SGCZ: variants seen among roughly 807,000 people sequenced by gnomAD.
The protein encoded by SGCZ is sarcoglycan zeta.
SGCZ carries 40 observed loss-of-function variants against 41.3 expected under a neutral mutation model. That is an observed-to-expected ratio of 0.97 (90% CI 0.75 to 1.26). The LOEUF is 1.26. Among genes scored for constraint, SGCZ ranks in the 50% most tolerant of loss-of-function variants. The probability of loss-of-function intolerance (pLI) is 0.00; values close to 1 mark genes in which losing one functional copy is unlikely to be tolerated. For synonymous variants in SGCZ, 206 were observed against 137.5 expected, an observed-to-expected ratio of 1.50 and a Z score of -3.49; for missense variants, 552 against 369.8, an observed-to-expected ratio of 1.49 and a Z score of -4.04.
chr8:14,908,515 C>T (rs769313158), intron 1 of SGCZ, among the ~76,000 whole-genome samples: 2 of 152,008 alleles, frequency 1.3e-5, no homozygotes, highest in African/African-American at 4.8e-5. Flanking sequence ...AGTTTGGGAG[C>T]CCCAGGTGGG....
At chr8:15,109,583 G>A (rs1023293325) in intron 1 of SGCZ, among the ~76,000 whole-genome samples, 3 of 152,060 alleles carry the variant, frequency 2.0e-5, no homozygotes, top group Non-Finnish European at 4.4e-5. Flanking sequence ...AGTTCTACTA[G>A]ATAATCAAAT....
At chr8:14,471,023 CTTTCA>C (rs1457695537) in intron 2 of SGCZ, among the ~76,000 whole-genome samples, 1 of 152,136 alleles carries the variant, frequency 6.6e-6, no homozygotes, top group Non-Finnish European at 1.5e-5. Flanking sequence ...AGAAAACCTG[CTTTCA>C]TTTATTTGAA....
At chr8:14,842,988 G>A (rs762491492) in intron 1 of SGCZ, among the ~76,000 whole-genome samples, 10 of 152,180 alleles carry the variant, frequency 6.6e-5, no homozygotes, top group Non-Finnish European at 1.0e-4. Context: ...CAAGGCGAGC[G>A]GATCTCCTGA....
chr8:14,318,313 A>G (rs963560364), intron 3 of SGCZ, among the ~76,000 whole-genome samples: 2 of 151,952 alleles, frequency 1.3e-5, no homozygotes, highest in Non-Finnish European at 2.9e-5. Flanking sequence ...AAACTCCAGA[A>G]AAGTTTTTAC....
At chr8:14,856,337 T>G (rs1585322314) in intron 1 of SGCZ, among the ~76,000 whole-genome samples, 1 of 152,272 alleles carries the variant, frequency 6.6e-6, no homozygotes, top group East Asian at 1.9e-4. Flanking sequence ...CCCTTGCTCT[T>G]TTTCATCAAC....
At chr8:14,563,389 C>G (rs1258139669) in intron 1 of SGCZ, among the ~76,000 whole-genome samples, 1 of 152,070 alleles carries the variant, frequency 6.6e-6, no homozygotes, top group Non-Finnish European at 1.5e-5. Flanking sequence ...ATAAATGACT[C>G]CTGTTAATAG....
chr8:14,254,389 C>G (rs1381811751), intron 3 of SGCZ, among the ~76,000 whole-genome samples: 1 of 152,118 alleles, frequency 6.6e-6, no homozygotes, highest in Non-Finnish European at 1.5e-5. Flanking sequence ...CAAATGGTGC[C>G]CTGCACTGCT....
At chr8:14,277,986 C>T (rs934450149) in intron 3 of SGCZ, among the ~76,000 whole-genome samples, 4 of 152,130 alleles carry the variant, frequency 2.6e-5, no homozygotes, top group African/African-American at 9.7e-5. Flanking sequence ...ATCTACTCTT[C>T]TGAGGGCAGC....
At chr8:14,235,566 T>G (rs1039018045) in intron 4 of SGCZ, among the ~76,000 whole-genome samples, 8 of 152,234 alleles carry the variant, frequency 5.3e-5, no homozygotes, top group African/African-American at 1.9e-4. Flanking sequence ...CAGGAAAGCA[T>G]GCAGTGAAAT....
intron 2 of SGCZ, among the ~76,000 whole-genome samples, chr8:14,434,446 G>C (rs67934334): frequency 6.6e-6 from 1 of 151,958 alleles, no homozygotes; most frequent in Admixed American, 6.6e-5. Flanking sequence ...CTTAGACCAT[G>C]TCGGCTGTTT....
At chr8:15,042,545 C>T (rs916291305) in intron 1 of SGCZ, among the ~76,000 whole-genome samples, 3 of 152,122 alleles carry the variant, frequency 2.0e-5, no homozygotes, top group South Asian at 4.1e-4. Flanking sequence ...CCAACAAATA[C>T]GTCCTTTATA....
intron 2 of SGCZ, among the ~76,000 whole-genome samples, chr8:14,432,907 G>A (rs1203621413): frequency 6.4e-5 from 6 of 93,734 alleles, no homozygotes; most frequent in African/African-American, 1.4e-4. Flanking sequence ...GAGTGAGACT[G>A]TGTCTCCAAA....
chr8:14,444,641 A>G (rs1800378273), intron 2 of SGCZ, among the ~76,000 whole-genome samples: 1 of 138,108 alleles, frequency 7.2e-6, no homozygotes, highest in South Asian at 2.3e-4. Flanking sequence ...GAAGGGGAAC[A>G]TCACACTATG....
chr8:14,190,041 C>G (rs1385973371), intron 4 of SGCZ, among the ~76,000 whole-genome samples: 1 of 99,444 alleles, frequency 1.0e-5, no homozygotes, highest in African/African-American at 4.1e-5. Context: ...GAGACGGACT[C>G]TTGCTCTGTC....
chr8:15,131,403 C>T (rs978524042), intron 1 of SGCZ, among the ~76,000 whole-genome samples: 2 of 152,152 alleles, frequency 1.3e-5, no homozygotes, highest in South Asian at 4.1e-4. Context: ...ATTGTGAAGC[C>T]CTGCCAGCCA....
At chr8:15,222,756 A>AGT (rs145933920) in intron 1 of SGCZ, among the ~76,000 whole-genome samples, 24 of 151,464 alleles carry the variant, frequency 1.6e-4, no homozygotes, top group African/African-American at 5.6e-4. Context: ...TTAAACACAG[A>AGT]GTGTGTGTGT....
intron 2 of SGCZ, among the ~76,000 whole-genome samples, chr8:14,435,094 A>C (rs1800051025): frequency 1.3e-5 from 2 of 152,236 alleles, no homozygotes; most frequent in Non-Finnish European, 2.9e-5. Context: ...ATACTAGAGC[A>C]ATGCAAAAAT....
intron 2 of SGCZ, among the ~76,000 whole-genome samples, chr8:14,472,256 ATCTT>A (rs1477058013): frequency 6.6e-6 from 1 of 152,094 alleles, no homozygotes; most frequent in Non-Finnish European, 1.5e-5. Context: ...CTTGTTTAAT[ATCTT>A]TATTTAAAGG....
intron 1 of SGCZ, among the ~76,000 whole-genome samples, chr8:15,009,386 G>C (rs968411441): frequency 5.0e-4 from 15 of 30,008 alleles, no homozygotes; most frequent in Admixed American, 4.5e-3. Flanking sequence ...TCTCCCGCCA[G>C]GCCCCACCTC....
Sources: gnomAD v4.1 joint callset for allele counts (sites outside exome capture counted in the v4.1 genomes callset) on GRCh38, gnomAD v4.1.1 for gene constraint, MANE v1.5 for transcripts, NCBI Gene and HGNC (gene_info 2026-07-23, HGNC 2026-07-21) for gene names.